STEAP2: variants seen among roughly 807,000 people sequenced by gnomAD.
The protein encoded by STEAP2 is STEAP2 metalloreductase, also known as metalloreductase STEAP2.
A neutral mutation model predicts 46.4 loss-of-function variants in STEAP2; 30 were observed. The ratio of observed to expected loss-of-function variants is 0.65; its 90% CI spans 0.48 to 0.88. The LOEUF is 0.88. STEAP2 is among the 40% of genes least tolerant of loss of function. The pLI is 0.00. For synonymous variants in STEAP2, 180 were observed against 200.5 expected, an observed-to-expected ratio of 0.90 and a Z score of 0.86; for missense variants, 513 against 579.3, an observed-to-expected ratio of 0.89 and a Z score of 1.18.
chr7:90,237,085 T>G lies in STEAP2; in HGVS notation c.*4461T>G. On this transcript the variant is annotated 3_prime_UTR_variant, in exon 6 of 6. Coordinates refer to ENST00000394621, the MANE Select transcript of STEAP2 (RefSeq NM_001244944.2). ...GCAGCATGTGTCCTTTTTCATCCCT[T>G]CATCTTGCTGCTGGGATTGTGGATA... 1.1e-6 allele frequency: 1 copy of G among 894,212 alleles called. No homozygotes were observed. Among genetic ancestry groups the G allele is most frequent in the South Asian group, 1.7e-5 (1 of 57,202 alleles). 55.4% of individuals were successfully genotyped at this position (894,212 alleles called of 1,614,324 possible). A position where few individuals can be genotyped will look rare whatever the true frequency, so the allele number is the denominator to read the frequency against.
chr7:90,240,384 A>G (rs1009699224), downstream of STEAP2, among the ~76,000 whole-genome samples: 2 of 152,218 alleles, frequency 1.3e-5, no homozygotes, highest in African/African-American at 2.4e-5. The surrounding 1 kb of genome is among the most constrained non-coding windows in gnomAD (Gnocchi z 4.1). Context: ...ACTAGATTTC[A>G]TATGTGCTAT....
In STEAP2 at chr7:90,234,013, A is replaced by T. The variant is rs112525235; in HGVS notation, c.*1389A>T. On this transcript the variant is annotated 3_prime_UTR_variant, in exon 6 of 6. Transcript: ENST00000394621. ...TCCCTATGCAGTGAAGGGCCCTAGCAGTGTTAACAAATTGCTGAGATCCCA... is the reference window on the plus strand; with the variant it reads ...TCCCTATGCAGTGAAGGGCCCTAGCTGTGTTAACAAATTGCTGAGATCCCA... 4.3e-5 allele frequency: 42 copies of T among 985,412 alleles called. No homozygotes were observed. The African/African-American group carries it at 7.0e-4, about 16-fold the overall frequency. The allele number at this position is 985,412 out of a possible 1,614,324, so 61.0% of individuals were successfully genotyped here. A position where few individuals can be genotyped will look rare whatever the true frequency, so the allele number is the denominator to read the frequency against.
intron 1 of STEAP2, chr7:90,213,805 G>C (rs961251013): frequency 7.2e-5 from 11 of 152,154 alleles, no homozygotes; most frequent in Non-Finnish European, 1.6e-4. Flanking sequence ...AATTTAACAA[G>C]GGCTGAGTGA....
In STEAP2 at chr7:90,225,537, G is replaced by C; in HGVS notation, c.455G>C (p.Trp152Ser). The stretch of plus-strand genomic sequence containing the variant: ...AAAGGATTTAATGTTGTCTCAGCTT[G>C]GGCACTTCAGTTAGGACCTAAGGAT... Reference protein sequence around the residue: ...IVKGFNVVSAWALQLGPKDAS... With the variant: ...IVKGFNVVSASALQLGPKDAS... The change falls in exon 3 of 6, where the codon TGG (tryptophan) becomes TCG (serine). Residue 152 changes from tryptophan (W) to serine (S), a missense_variant. Transcript: ENST00000394621. 1 of 1,611,774 alleles carries C rather than the reference G, an allele frequency of 6.2e-7. No homozygotes were observed. The highest frequency in any genetic ancestry group is 8.5e-7 in the Non-Finnish European group (1 of 1,179,090).
chr7:90,238,187 G>A, downstream of STEAP2: 1 of 716,336 alleles, frequency 1.4e-6, no homozygotes, highest in Non-Finnish European at 2.6e-6. Context: ...GAGGAGTCCT[G>A]TACACTGTGC....
At chr7:90,230,115 C>A (rs967927640) in intron 5 of STEAP2, 79 bp downstream of exon 5, 3 of 1,550,014 alleles carry the variant, frequency 1.9e-6, no homozygotes, top group Non-Finnish European at 8.7e-7. Context: ...TAAATATGTT[C>A]CTTATTAAAA....
rs1023358706 is a variant in STEAP2, at chr7:90,225,379, C to A, written c.297C>A (p.Thr99=). 2 of 1,613,738 alleles carry A rather than the reference C, an allele frequency of 1.2e-6. No homozygotes were observed. The highest frequency in any genetic ancestry group is 1.7e-6 in the Non-Finnish European group (2 of 1,179,846). Residue 99 remains threonine, a synonymous_variant, in exon 3 of 6, where the codon ACC becomes ACA. Coordinates refer to ENST00000394621, the MANE Select transcript of STEAP2 (RefSeq NM_001244944.2). ...TTGCTATACACAGAGAACATTATACCTCCCTGTGGGACCTGAGACATCTGC... is the reference window on the plus strand; with the variant it reads ...TTGCTATACACAGAGAACATTATACATCCCTGTGGGACCTGAGACATCTGC... ...IFVAIHREHY[T]SLWDLRHLLV...
rs1350759928 is a variant in STEAP2, at chr7:90,234,712, G to A, written c.*2088G>A. On this transcript the variant is annotated 3_prime_UTR_variant, in exon 6 of 6. Transcript: ENST00000394621. ...ACTACAGGTGCCCGCCACCATGCCCGGCTGATTTCTTTTTGTATTTTTAGT... is the reference window on the plus strand; with the variant it reads ...ACTACAGGTGCCCGCCACCATGCCCAGCTGATTTCTTTTTGTATTTTTAGT... The A allele has an allele frequency of 6.4e-6, 3 of 465,284 alleles. No homozygotes were observed. Among genetic ancestry groups the A allele is most frequent in the Admixed American group, 1.3e-4 (2 of 15,536 alleles). The allele number at this position is 465,284 out of a possible 1,614,324, so 28.8% of individuals were successfully genotyped here.
intron 2 of STEAP2, among the ~76,000 whole-genome samples, chr7:90,218,657 GT>G (rs60619171): frequency 6.6e-6 from 1 of 152,050 alleles, no homozygotes; most frequent in Non-Finnish European, 1.5e-5. Flanking sequence ...CCGGTACCAT[GT>G]TTTTTCGGTT....
At chr7:90,230,957 G>C (rs1288344188) in intron 5 of STEAP2, among the ~76,000 whole-genome samples, 1 of 151,640 alleles carries the variant, frequency 6.6e-6, no homozygotes, top group Non-Finnish European at 1.5e-5. Flanking sequence ...CCAACAGCTA[G>C]TTTAATCATA....
At position 90,234,546 on chromosome 7, in the gene STEAP2, C is replaced by G. The variant is rs927702998; in HGVS notation, c.*1922C>G. On this transcript the variant is annotated 3_prime_UTR_variant, in exon 6 of 6. Transcript: ENST00000394621. ...GGTGAATTTTATTATCTTGTACCCT[C>G]TTTTTTTTTTTTTTTTTTTTTAAAG... 2.8e-6 allele frequency: 2 copies of G among 719,816 alleles called. No homozygotes were observed. Among genetic ancestry groups the G allele is most frequent in the Admixed American group, 1.7e-4 (2 of 11,548 alleles). The allele number at this position is 719,816 out of a possible 1,614,324, so 44.6% of individuals were successfully genotyped here. A position where few individuals can be genotyped will look rare whatever the true frequency, so the allele number is the denominator to read the frequency against.
At chr7:90,239,423 A>G (rs1187453190), downstream of STEAP2, among the ~76,000 whole-genome samples, 3 of 152,348 alleles carry the variant, frequency 2.0e-5, no homozygotes, top group Non-Finnish European at 4.4e-5. Flanking sequence ...GGTATTTGTT[A>G]CAGCAGTCTT....
At chr7:90,212,454 G>A (rs889584820) in intron 1 of STEAP2, 4 of 152,270 alleles carry the variant, frequency 2.6e-5, no homozygotes, top group Non-Finnish European at 5.9e-5. Flanking sequence ...GCTGCTTTGC[G>A]AACAGGTATT....
rs1254609643 is a variant in STEAP2, at chr7:90,233,774, G to A, written c.*1150G>A. On this transcript the variant is annotated 3_prime_UTR_variant, in exon 6 of 6. Coordinates refer to ENST00000394621, the MANE Select transcript of STEAP2 (RefSeq NM_001244944.2). The stretch of plus-strand genomic sequence containing the variant: ...TTAACCACTAGGCTCTAGAGCTCCC[G>A]CCGCGCCCCTATGCATTATGTTCAC... 4.1e-6 allele frequency: 4 copies of A among 985,286 alleles called. No homozygotes were observed. Among genetic ancestry groups the A allele is most frequent in the South Asian group, 9.4e-5 (2 of 21,278 alleles). 61.0% of individuals were successfully genotyped at this position (985,286 alleles called of 1,614,324 possible). A position where few individuals can be genotyped will look rare whatever the true frequency, so the allele number is the denominator to read the frequency against.
In STEAP2 at chr7:90,232,763, T is replaced by C. The variant is rs934112786; in HGVS notation, c.*139T>C. On this transcript the variant is annotated 3_prime_UTR_variant, in exon 6 of 6. Transcript: ENST00000394621. ...AATGAGATTTCAACTGACTTAGTGA[T>C]AGAGTTTTCTTCAAGTTAATTTTCA... 1.6e-5 allele frequency: 21 copies of C among 1,329,288 alleles called. No individual in the cohort carries two copies. The East Asian group carries it at 5.3e-4, about 33-fold the overall frequency. The allele number at this position is 1,329,288 out of a possible 1,614,324, so 82.3% of individuals were successfully genotyped here. A position where few individuals can be genotyped will look rare whatever the true frequency, so the allele number is the denominator to read the frequency against.
chr7:90,220,735 G>A (rs573225000), intron 2 of STEAP2, among the ~76,000 whole-genome samples: 88 of 152,062 alleles, frequency 5.8e-4, no homozygotes, highest in Non-Finnish European at 4.0e-4. Flanking sequence ...ATTTGAAATC[G>A]TAATGATTTT....
intron 2 of STEAP2, among the ~76,000 whole-genome samples, chr7:90,223,345 T>C (rs1408266483): frequency 6.6e-6 from 1 of 152,192 alleles, no homozygotes; most frequent in Non-Finnish European, 1.5e-5. Flanking sequence ...TTTCTCTCTC[T>C]GGGCATGGGC....
At position 90,233,490 on chromosome 7, in the gene STEAP2, AACCAGTC is replaced by A; in HGVS notation, c.*871_*877del. 1 of 985,424 alleles carries A rather than the reference AACCAGTC, an allele frequency of 1.0e-6. No homozygotes were observed. The highest frequency in any genetic ancestry group is 1.2e-6 in the Non-Finnish European group (1 of 829,932). The allele number at this position is 985,424 out of a possible 1,614,324, so 61.0% of individuals were successfully genotyped here. ...TGCCAGCTGACCTTTGTCGCACCTT[AACCAGTC>A]ACCACTTGCTATGGTATAGGATTAT... On this transcript the variant is annotated 3_prime_UTR_variant, in exon 6 of 6. Coordinates refer to ENST00000394621, the MANE Select transcript of STEAP2 (RefSeq NM_001244944.2).
At position 90,232,321 on chromosome 7, in the gene STEAP2, C is replaced by T. The variant is rs1404506972; in HGVS notation, c.1186-16C>T. 1 of 1,545,198 alleles carries T rather than the reference C, an allele frequency of 6.5e-7. No individual in the cohort carries two copies. On this transcript the variant is annotated splice_polypyrimidine_tract_variant and intron_variant, in intron 5 of 5. Transcript: ENST00000394621. ...TTCTTATTCTTTGTTTCTTTTCCTT[C>T]CTCTCCTGGCCCAAGTCTACACTTG... is the stretch of plus-strand genomic sequence containing the variant.
Sources: allele counts gnomAD v4.1 joint callset (sites outside exome capture counted in the v4.1 genomes callset), GRCh38; gene constraint gnomAD v4.1.1; non-coding constraint Gnocchi (gnomAD v3.1); transcripts MANE v1.5; gene names NCBI Gene and HGNC (gene_info 2026-07-23, HGNC 2026-07-21).